Variants in SLC22A12 observed in about 807,000 individuals in gnomAD.
The protein encoded by SLC22A12 is solute carrier family 22 member 12.
A neutral mutation model predicts 52.7 loss-of-function variants in SLC22A12; 56 were observed. The ratio of observed to expected loss-of-function variants is 1.06; its 90% CI spans 0.86 to 1.33. The LOEUF (loss-of-function observed/expected upper bound fraction) is 1.33. SLC22A12 is among the 40% of genes most tolerant of loss of function. The pLI, the probability that SLC22A12 is intolerant of heterozygous loss-of-function variation, is 0.00. For missense variants in SLC22A12, 683 were observed against 741.5 expected, an observed-to-expected ratio of 0.92 and a Z score of 0.92; for synonymous variants, 337 against 324.6, an observed-to-expected ratio of 1.04 and a Z score of -0.41.
In SLC22A12 at chr11:64,599,670, C is replaced by T. The variant is rs778037373; in HGVS notation, c.1071-6C>T. The T allele has an allele frequency of 1.9e-5, 26 of 1,355,810 alleles. No individual in the cohort carries two copies. Among genetic ancestry groups the T allele is most frequent in the Non-Finnish European group, 2.5e-5 (25 of 1,016,558 alleles). The allele number at this position is 1,355,810 out of a possible 1,614,324, so 84.0% of individuals were successfully genotyped here. ...CCCACCCTGACTTCCCTGACCCCTGCCCCAGGTTCGCCTTTGGCTTCACCT... is the reference window on the plus strand; with the variant it reads ...CCCACCCTGACTTCCCTGACCCCTGTCCCAGGTTCGCCTTTGGCTTCACCT... On this transcript the variant is annotated splice_polypyrimidine_tract_variant and splice_region_variant and intron_variant, in intron 6 of 9. Coordinates refer to ENST00000377574, the MANE Select transcript of SLC22A12 (RefSeq NM_144585.4).
intron 4 of SLC22A12, among the ~76,000 whole-genome samples, chr11:64,595,766 G>T (rs1188756988): frequency 6.6e-6 from 1 of 150,396 alleles, no homozygotes; most frequent in Non-Finnish European, 1.5e-5. Flanking sequence ...TGGATGGATG[G>T]ATGGTTGGAA....
chr11:64,599,592 C>CCCCCCCCCCCCCCTGTTT, intron 6 of SLC22A12, 84 bp from the exon 7 acceptor site: 2 of 560,816 alleles, frequency 3.6e-6, no homozygotes, highest in South Asian at 2.8e-5. Flanking sequence ...CCACCCTGAG[C>CCCCCCCCCCCCCCTGTTT]CCCCACCGCC....
chr11:64,592,175 G>A (rs901948548), intron 1 of SLC22A12, among the ~76,000 whole-genome samples: 2 of 152,150 alleles, frequency 1.3e-5, no homozygotes, highest in African/African-American at 2.4e-5. Context: ...GAGGTGCGGG[G>A]GGCACCTGGG....
intron 4 of SLC22A12, among the ~76,000 whole-genome samples, chr11:64,597,509 G>A (rs909827856): frequency 9.2e-5 from 14 of 152,078 alleles, no homozygotes; most frequent in African/African-American, 2.9e-4. Context: ...TGGCCATGAC[G>A]CCTCTCTCTC....
At chr11:64,597,280 G>A (rs2039276982) in intron 4 of SLC22A12, among the ~76,000 whole-genome samples, 1 of 151,958 alleles carries the variant, frequency 6.6e-6, no homozygotes, top group South Asian at 2.1e-4. Context: ...CCCTCAGGCA[G>A]CCTCACCCCT....
At chr11:64,601,393 T>C in intron 9 of SLC22A12, 95 bp from the exon 10 acceptor site, 5 of 1,265,868 alleles carry the variant, frequency 3.9e-6, no homozygotes, top group Non-Finnish European at 5.6e-6. Flanking sequence ...GAGAGCAGGG[T>C]GGTGGCATTC....
rs1352392178 is a variant in SLC22A12 at position 64,592,772 on chromosome 11, C to T, written c.403-7C>T. ...CTCCTGAGCTCAGCCTCCTCCTCTC[C>T]CATCAGTGGAACCTCGTGTGTGACT... On this transcript the variant is annotated splice_polypyrimidine_tract_variant and splice_region_variant and intron_variant, in intron 1 of 9. Coordinates refer to ENST00000377574, the MANE Select transcript of SLC22A12 (RefSeq NM_144585.4). The T allele has an allele frequency of 6.2e-7, 1 of 1,610,464 alleles. No homozygotes were observed. The highest frequency in any genetic ancestry group is 1.7e-5 in the Admixed American group (1 of 60,014).
In SLC22A12 at chr11:64,591,360, C is replaced by A; in HGVS notation, c.-197C>A. On this transcript the variant is annotated 5_prime_UTR_variant, in exon 1 of 10. Coordinates refer to ENST00000377574, the MANE Select transcript of SLC22A12 (RefSeq NM_144585.4). ...ACGCGGCCTCAGGGCCCAGTTGGAGCCACCCCAAGTGACACCAGCAGGCAG... is the reference window on the plus strand; with the variant it reads ...ACGCGGCCTCAGGGCCCAGTTGGAGACACCCCAAGTGACACCAGCAGGCAG... 1 of 696,242 alleles carries A rather than the reference C, an allele frequency of 1.4e-6. No individual in the cohort carries two copies. Among genetic ancestry groups the A allele is most frequent in the Non-Finnish European group, 2.3e-6 (1 of 425,588 alleles). The allele number at this position is 696,242 out of a possible 1,614,324, so 43.1% of individuals were successfully genotyped here.
rs1379133724 is a variant in SLC22A12, at chr11:64,596,806, A to T, written c.831-1710A>T. Among the ~76,000 whole-genome samples, 3 of 152,198 alleles carry T rather than the reference A, an allele frequency of 2.0e-5. No individual in the cohort carries two copies. The East Asian group carries it at 5.8e-4, about 29-fold the overall frequency. On this transcript the variant is annotated intron_variant, in intron 4 of 9. Transcript: ENST00000377574. ...GGGTAGAGAGTGGAAGGTAAAGGTCAGTGATAAAAATTCCAAGGCACCCCT... is the reference window on the plus strand; with the variant it reads ...GGGTAGAGAGTGGAAGGTAAAGGTCTGTGATAAAAATTCCAAGGCACCCCT...
At position 64,592,878 on chromosome 11, in the gene SLC22A12, G is replaced by A. The variant is rs2135442758; in HGVS notation, c.502G>A (p.Asp168Asn). 6.2e-7 allele frequency: 1 copy of A among 1,613,352 alleles called. No homozygotes were observed. Among genetic ancestry groups the A allele is most frequent in the Non-Finnish European group, 8.5e-7 (1 of 1,179,860 alleles). ...VGAAACGPAS[D>N]RFGRRLVLTW... ...AGCTGCTGCGTGCGGCCCTGCCTCA[G>A]ACAGGTGAGTACCCCCAGTCCAGGC... The change falls in exon 2 of 10, where the codon GAC becomes AAC. Residue 168 changes from aspartate (D) to asparagine (N), a missense_variant. Physicochemically the swap from Asp to Asn is conservative, Grantham distance 23. Transcript: ENST00000377574.
In SLC22A12 at chr11:64,593,647, CG is replaced by C; in HGVS notation, c.676del (p.Ala226ArgfsTer8). 1.2e-6 allele frequency: 2 copies of C among 1,614,164 alleles called. No individual in the cohort carries two copies. The highest frequency in any genetic ancestry group is 1.7e-6 in the Non-Finnish European group (2 of 1,180,048). ...GGTCTCCTTGCAGTGATGGAGTGGA[CG>C]GCGGCACGGGCCCGACCCTTGGTGA... ...MNTGTLLMEW[T>X]AARARPLVMT... On this transcript the variant is annotated frameshift_variant, in exon 4 of 10. Transcript: ENST00000377574. LOFTEE classifies it high-confidence loss of function.
At position 64,596,257 on chromosome 11, in the gene SLC22A12, T is replaced by TGGATGGAATGGATGGATGGATG. The variant is rs1554987892; in HGVS notation, c.831-2252_831-2251insATGGATGGATGGATGGGATGGA. Reference sequence around the variant, plus strand: ...TGGATGGATGGATGGAATGGATGGATGGATGGATGGATGGATGGATGGATG... The same window carrying TGGATGGAATGGATGGATGGATG: ...TGGATGGATGGATGGAATGGATGGATGGATGGAATGGATGGATGGATGGGATGGATGGATGGATGGATGGATG... On this transcript the variant is annotated intron_variant, in intron 4 of 9. Coordinates refer to ENST00000377574, the MANE Select transcript of SLC22A12 (RefSeq NM_144585.4). 3.9e-3 allele frequency among the ~76,000 whole-genome samples: 533 copies of TGGATGGAATGGATGGATGGATG among 135,092 alleles called. 22 individuals carry two copies. The highest frequency in any genetic ancestry group is 4.5e-3 in the African/African-American group (159 of 35,130). 88.6% of individuals were successfully genotyped at this position (135,092 alleles called of 152,430 possible). A position where few individuals can be genotyped will look rare whatever the true frequency, so the allele number is the denominator to read the frequency against.
At position 64,598,820 on chromosome 11, in the gene SLC22A12, G is replaced by T. The variant is rs2039340571; in HGVS notation, c.967G>T (p.Ala323Ser). ...CCCGCCTCCACAGGTCTTGCTTTCA[G>T]CCATGCGGGAGGAGCTGAGCATGGG... ...DTLTPEVLLS[A>S]MREELSMGQP... Residue 323 changes from alanine (A) to serine (S), a missense_variant, in exon 6 of 10, where the codon GCC becomes TCC. Physicochemically the swap from Ala to Ser is moderately conservative, Grantham distance 99. Transcript: ENST00000377574. The T allele has an allele frequency of 6.2e-7, 1 of 1,612,412 alleles. No homozygotes were observed. Among genetic ancestry groups the T allele is most frequent in the African/African-American group, 1.3e-5 (1 of 74,934 alleles).
At chr11:64,593,319 A>G (rs944594352) in intron 2 of SLC22A12, 86 bp from the exon 3 acceptor site, 22 of 1,600,406 alleles carry the variant, frequency 1.4e-5, no homozygotes, top group South Asian at 8.8e-5. Flanking sequence ...GCGGGCAAGC[A>G]TAGGGTGGGC....
chr11:64,599,871 C>T lies in SLC22A12; in HGVS notation c.1266C>T (p.Ala422=). 1 of 1,612,532 alleles carries T rather than the reference C, an allele frequency of 6.2e-7. No individual in the cohort carries two copies. Among genetic ancestry groups the T allele is most frequent in the Non-Finnish European group, 8.5e-7 (1 of 1,179,702 alleles). Residue 422 remains alanine (A), a synonymous_variant, in exon 7 of 10, where the codon GCC becomes GCT. Coordinates refer to ENST00000377574, the MANE Select transcript of SLC22A12 (RefSeq NM_144585.4). ...TGCTGGCAGGGCTCTGCATTCTGGC[C>T]AACACGCTGGTGCCCCACGGTGAGG... The part of the protein sequence containing the change: ...SLLLAGLCIL[A]NTLVPHEMGA...
rs1454768044 is a variant in SLC22A12 at position 64,594,871 on chromosome 11, TTGGAATGGATGGATGGA to T, written c.830+1104_830+1120del. ...ACAGATGGAATGGATGGATGGATGG[TTGGAATGGATGGATGGA>T]TGGAATGGATGGATGGATGGAATGG... On this transcript the variant is annotated intron_variant, in intron 4 of 9. Transcript: ENST00000377574. Among the ~76,000 whole-genome samples, 208 of 111,288 alleles carry T rather than the reference TTGGAATGGATGGATGGA, an allele frequency of 1.9e-3. 2 individuals carry two copies. Among genetic ancestry groups the T allele is most frequent in the African/African-American group, 6.6e-3 (182 of 27,714 alleles). 73.0% of individuals were successfully genotyped at this position (111,288 alleles called of 152,430 possible). A position where few individuals can be genotyped will look rare whatever the true frequency, so the allele number is the denominator to read the frequency against.
intron 1 of SLC22A12, 70 bp from the exon 2 acceptor site, chr11:64,592,709 A>G (rs1304628844): frequency 2.2e-5 from 29 of 1,315,996 alleles, no homozygotes; most frequent in Non-Finnish European, 2.6e-5. Flanking sequence ...GGGCCCTCCC[A>G]TGCGGTTCCT....
In SLC22A12 at chr11:64,592,900, A is replaced by T. The variant is rs2038967406; in HGVS notation, c.506+18A>T. 6.2e-7 allele frequency: 1 copy of T among 1,606,554 alleles called. No individual in the cohort carries two copies. ...TCAGACAGGTGAGTACCCCCAGTCC[A>T]GGCAGGTCCCAGTTCCCCTCACAAC... On this transcript the variant is annotated intron_variant, in intron 2 of 9. Transcript: ENST00000377574.
At chr11:64,596,316 TTGAA>T (rs774037296) in intron 4 of SLC22A12, among the ~76,000 whole-genome samples, 2 of 18,884 alleles carry the variant, frequency 1.1e-4, no homozygotes, top group Non-Finnish European at 2.4e-4. Flanking sequence ...GAATGGATGG[TTGAA>T]TGGATGGATG....
Sources: gnomAD v4.1 joint callset for allele counts (sites outside exome capture counted in the v4.1 genomes callset) on GRCh38, gnomAD v4.1.1 for gene constraint, MANE v1.5 for transcripts, NCBI Gene and HGNC (gene_info 2026-07-23, HGNC 2026-07-21) for gene names.